KCNN2: variants seen among roughly 807,000 people sequenced by gnomAD.
KCNN2 encodes potassium calcium-activated channel subfamily N member 2.
Under a neutral mutation model 55.5 loss-of-function variants are expected in KCNN2, and 24 were observed. That is an observed-to-expected ratio of 0.43 (90% CI 0.31 to 0.61). The LOEUF is 0.61. Among genes scored for constraint, KCNN2 ranks in the 20% least tolerant of loss-of-function variants. KCNN2 has a pLI of 0.08. For synonymous variants in KCNN2, 431 were observed against 336.1 expected (o/e 1.28, Z -3.09); for missense variants, 754 against 853.6 (o/e 0.88, Z 1.45).
intron 2 of KCNN2, among the ~76,000 whole-genome samples, chr5:114,303,315 A>T (rs573566320): frequency 9.9e-5 from 15 of 152,222 alleles, no homozygotes; most frequent in Non-Finnish European, 1.6e-4. Context: ...GCTGAACATC[A>T]CAGTCAGTGT....
At chr5:114,191,759 T>A (rs554535684) in intron 1 of KCNN2, among the ~76,000 whole-genome samples, 227 of 152,222 alleles carry the variant, frequency 1.5e-3, no homozygotes, top group Middle Eastern at 3.4e-3. Flanking sequence ...TGGGGATAAT[T>A]TTGGCCTTGG....
At chr5:114,454,319 G>T (rs372021707) in intron 3 of KCNN2, among the ~76,000 whole-genome samples, 107 of 151,542 alleles carry the variant, frequency 7.1e-4, no homozygotes, top group South Asian at 3.7e-3. Flanking sequence ...GTGTCTTTTC[G>T]ATAGAAATCA....
chr5:114,262,504 G>A (rs1442395181), intron 2 of KCNN2, among the ~76,000 whole-genome samples: 1 of 152,146 alleles, frequency 6.6e-6, no homozygotes, highest in African/African-American at 2.4e-5. Flanking sequence ...GGGCCAGATT[G>A]CCTGGGAGTG....
At chr5:114,251,874 CTTTTTCTTTTTT>C (rs907092352) in intron 2 of KCNN2, among the ~76,000 whole-genome samples, 24 of 142,432 alleles carry the variant, frequency 1.7e-4, no homozygotes, top group African/African-American at 6.1e-4. Context: ...TTTTCTTTTT[CTTTTTCTTTTTT>C]TTTTTTTTTT....
At chr5:114,365,415 C>T (rs1042626742) in intron 2 of KCNN2, among the ~76,000 whole-genome samples, 6 of 152,194 alleles carry the variant, frequency 3.9e-5, no homozygotes, top group African/African-American at 1.4e-4. Flanking sequence ...TAAAGTGATA[C>T]TAAAATATAA....
intron 1 of KCNN2, among the ~76,000 whole-genome samples, chr5:114,201,640 C>G (rs1753675027): frequency 1.3e-5 from 2 of 152,126 alleles, no homozygotes; most frequent in Admixed American, 1.3e-4. Flanking sequence ...ATCATGAGGG[C>G]ACAGTGCAGC....
At chr5:114,370,403 C>T (rs1364267583) in intron 2 of KCNN2, among the ~76,000 whole-genome samples, 1 of 152,050 alleles carries the variant, frequency 6.6e-6, no homozygotes, top group East Asian at 1.9e-4. Flanking sequence ...GGGGCCCTTT[C>T]CTCTTGGAGC....
At chr5:114,277,875 C>A (rs199616341) in intron 2 of KCNN2, among the ~76,000 whole-genome samples, 2 of 152,142 alleles carry the variant, frequency 1.3e-5, no homozygotes, top group Non-Finnish European at 2.9e-5. Context: ...CAGTTTTGTT[C>A]CCTTGCTGTC....
At chr5:114,321,920 GATTATA>G (rs1561570448) in intron 2 of KCNN2, among the ~76,000 whole-genome samples, 3 of 152,200 alleles carry the variant, frequency 2.0e-5, no homozygotes, top group African/African-American at 7.2e-5. Flanking sequence ...AAAGTGCTGG[GATTATA>G]AGTATGAGTC....
chr5:114,179,413 A>G (rs1255228422), intron 1 of KCNN2, among the ~76,000 whole-genome samples: 1 of 152,216 alleles, frequency 6.6e-6, no homozygotes, highest in Admixed American at 6.5e-5. Context: ...AGAGAAAGAA[A>G]GGAGAGAACA....
intron 1 of KCNN2, among the ~76,000 whole-genome samples, chr5:114,141,616 G>C (rs368658765): frequency 8.5e-5 from 13 of 152,276 alleles, no homozygotes; most frequent in East Asian, 5.8e-4. Flanking sequence ...CTTTATAGCA[G>C]CATGATTTAT....
At chr5:114,067,339 G>C (rs1750472268) in intron 1 of KCNN2, among the ~76,000 whole-genome samples, 1 of 152,162 alleles carries the variant, frequency 6.6e-6, no homozygotes, top group Non-Finnish European at 1.5e-5. Context: ...CAGATTTCTG[G>C]TCTCACCCCA....
At chr5:114,383,184 A>C (rs374720890) in intron 2 of KCNN2, among the ~76,000 whole-genome samples, 1 of 152,144 alleles carries the variant, frequency 6.6e-6, no homozygotes, top group East Asian at 1.9e-4. Context: ...AAGGGTTTGC[A>C]TAAGTTTTTC....
intron 1 of KCNN2, among the ~76,000 whole-genome samples, chr5:114,166,867 C>T (rs1408130978): frequency 1.3e-5 from 2 of 152,018 alleles, no homozygotes; most frequent in African/African-American, 4.8e-5. Context: ...GACATAGGAG[C>T]TTCTGCACAT....
intron 2 of KCNN2, among the ~76,000 whole-genome samples, chr5:114,226,687 G>T (rs1373977737): frequency 1.3e-5 from 2 of 152,046 alleles, no homozygotes; most frequent in Non-Finnish European, 2.9e-5. Context: ...CGGATCACAA[G>T]GTCAGGAGAT....
intron 2 of KCNN2, among the ~76,000 whole-genome samples, chr5:114,313,327 T>C (rs1007055423): frequency 6.6e-6 from 1 of 152,144 alleles, no homozygotes; most frequent in Non-Finnish European, 1.5e-5. Context: ...CAGTTAACTA[T>C]AGCTGAAAAT....
chr5:114,333,857 G>T lies in KCNN2; in HGVS notation c.-184-27088G>T, dbSNP rs529286054. ...AATGCCATTGTGCTTAACTTTAGTT[G>T]TCTACTCGTAGCTGTCAACTATGTT... On this transcript the variant is annotated intron_variant, in intron 2 of 10. Coordinates refer to the KCNN2 transcript ENST00000512097. Among the ~76,000 whole-genome samples, 3 of 152,128 alleles carry T rather than the reference G, an allele frequency of 2.0e-5. No homozygotes were observed. In the East Asian group the frequency reaches 5.8e-4, roughly 29 times the overall value.
intron 1 of KCNN2, among the ~76,000 whole-genome samples, chr5:114,084,976 A>C (rs1280301423): frequency 6.6e-6 from 1 of 151,654 alleles, no homozygotes; most frequent in Admixed American, 6.6e-5. Flanking sequence ...ACTTGTGTGA[A>C]CCTATTTCTG....
intron 2 of KCNN2, among the ~76,000 whole-genome samples, chr5:114,305,979 C>G (rs1756261578): frequency 1.3e-5 from 2 of 152,140 alleles, no homozygotes; most frequent in South Asian, 4.1e-4. Flanking sequence ...GTTTTCTGAT[C>G]ATCAGGTCTA....
Sources: allele counts gnomAD v4.1 joint callset (sites outside exome capture counted in the v4.1 genomes callset), GRCh38; gene constraint gnomAD v4.1.1; transcripts MANE v1.5; gene names NCBI Gene and HGNC (gene_info 2026-07-23, HGNC 2026-07-21).